PMFBP1: variants seen among roughly 807,000 people sequenced by gnomAD.
PMFBP1 encodes the protein polyamine modulated factor 1 binding protein 1, also known as polyamine-modulated factor 1-binding protein 1.
PMFBP1 carries 131 observed loss-of-function variants against 137.8 expected under a neutral mutation model. The ratio of observed to expected loss-of-function variants is 0.95; its 90% confidence interval spans 0.82 to 1.10. The LOEUF (loss-of-function observed/expected upper bound fraction) is 1.10. Ranked by LOEUF, PMFBP1 falls within the 50% of genes least tolerant of loss-of-function variation. The pLI, the probability that PMFBP1 is intolerant of heterozygous loss-of-function variation, is 0.00. For synonymous variants in PMFBP1, 490 were observed against 450.4 expected (o/e 1.09, Z -1.11); for missense variants, 1,199 against 1,175.4 (o/e 1.02, Z -0.29).
the PMFBP1 span, among the ~76,000 whole-genome samples, chr16:72,226,890 A>G: frequency 6.6e-6 from 1 of 152,206 alleles, no homozygotes; most frequent in African/African-American, 2.4e-5. Context: ...AAAAGGTTTT[A>G]GCGAAGATGA....
chr16:72,161,104 T>TG (rs2043055547), intron 3 of PMFBP1, among the ~76,000 whole-genome samples: 1 of 149,634 alleles, frequency 6.7e-6, no homozygotes, highest in African/African-American at 2.5e-5. Context: ...CTTTTTTTTT[T>TG]TTTTTTTTTT....
At chr16:72,168,341 G>A (rs2043175236) in intron 2 of PMFBP1, among the ~76,000 whole-genome samples, 1 of 152,172 alleles carries the variant, frequency 6.6e-6, no homozygotes, top group South Asian at 2.1e-4. Flanking sequence ...AGAAAAGGCT[G>A]TGTTCACCTC....
the PMFBP1 span, among the ~76,000 whole-genome samples, chr16:72,207,799 C>T: frequency 2.0e-5 from 3 of 151,744 alleles, no homozygotes; most frequent in African/African-American, 7.3e-5. Context: ...AAGAAATTGG[C>T]TCACATGAAT....
chr16:72,209,937 C>A, the PMFBP1 span, among the ~76,000 whole-genome samples: 6 of 152,218 alleles, frequency 3.9e-5, no homozygotes, highest in Non-Finnish European at 7.3e-5. Flanking sequence ...ACAGCCACTG[C>A]TGGGCCGTTC....
chr16:72,222,007 C>T, the PMFBP1 span, among the ~76,000 whole-genome samples: 8 of 152,286 alleles, frequency 5.3e-5, no homozygotes, highest in South Asian at 2.1e-4. Flanking sequence ...ATTTAATTTT[C>T]GTAACTCCAA....
chr16:72,119,581 T>C (rs1225654779), intron 20 of PMFBP1: 3 of 1,445,434 alleles, frequency 2.1e-6, no homozygotes, highest in South Asian at 3.0e-5. Flanking sequence ...ATGCCTCTTC[T>C]ACCTGTTCCC....
chr16:72,215,920 C>A, the PMFBP1 span, among the ~76,000 whole-genome samples: 2 of 152,202 alleles, frequency 1.3e-5, no homozygotes, highest in African/African-American at 2.4e-5. Flanking sequence ...ACTACCTTTA[C>A]CCCCTTTGGG....
chr16:72,179,695 T>A (rs568409436), upstream of PMFBP1, among the ~76,000 whole-genome samples: 1 of 152,292 alleles, frequency 6.6e-6, no homozygotes, highest in South Asian at 2.1e-4. Flanking sequence ...GGAAAAACTG[T>A]GTGTACACTG....
rs991114653 is a variant in PMFBP1, at chr16:72,164,543, T to C, written c.165+221A>G. On this transcript the variant is annotated intron_variant, in intron 3 of 20. Transcript: ENST00000237353. ...GAAAACATCGTGCCTAGGATGTACA[T>C]GACCTTGGAGATAGATGGAAAAGTC... 3.0e-6 allele frequency: 4 copies of C among 1,338,938 alleles called. No individual in the cohort carries two copies. In the African/African-American group the frequency reaches 4.4e-5, roughly 15 times the overall value. The allele number at this position is 1,338,938 out of a possible 1,614,324, so 82.9% of individuals were successfully genotyped here.
rs1445807258 is a variant in PMFBP1 at position 72,119,366 on chromosome 16, G to C, written c.3008-12C>G. ...GCAGTATGAGGAACCTGAGGGAACA[G>C]GGAGGAAATGAGAGTTTTGATTCGA... is the stretch of plus-strand genomic sequence containing the variant. On this transcript the variant is annotated splice_polypyrimidine_tract_variant and intron_variant, in intron 20 of 20. Coordinates refer to ENST00000237353, the MANE Select transcript of PMFBP1 (RefSeq NM_031293.3). 1 of 1,614,140 alleles carries C rather than the reference G, an allele frequency of 6.2e-7. No individual in the cohort carries two copies. Among genetic ancestry groups the C allele is most frequent in the South Asian group, 1.1e-5 (1 of 91,074 alleles).
At chr16:72,128,945 C>A in intron 13 of PMFBP1, 121 bp downstream of exon 13, 1 of 1,511,034 alleles carries the variant, frequency 6.6e-7, no homozygotes, top group Non-Finnish European at 8.9e-7. Flanking sequence ...GCCTTTCCCA[C>A]TGTCCCTCCC....
the PMFBP1 span, among the ~76,000 whole-genome samples, chr16:72,226,147 G>T: frequency 0.53 from 79,915 of 151,924 alleles, 22,296 homozygotes; most frequent in East Asian, 0.75. Context: ...ATATTTGTAC[G>T]CTTTGTTATC....
At chr16:72,237,490 A>G in the PMFBP1 span, among the ~76,000 whole-genome samples, 1 of 152,086 alleles carries the variant, frequency 6.6e-6, no homozygotes, top group Admixed American at 6.6e-5. Context: ...TGAAATCTTA[A>G]CAAGATGAAG....
At chr16:72,194,594 C>A in the PMFBP1 span, among the ~76,000 whole-genome samples, 1 of 152,154 alleles carries the variant, frequency 6.6e-6, no homozygotes, top group East Asian at 1.9e-4. Flanking sequence ...TTTTTAAATA[C>A]AGAGATCAGG....
the PMFBP1 span, among the ~76,000 whole-genome samples, chr16:72,196,328 C>T: frequency 5.9e-5 from 9 of 152,160 alleles, no homozygotes; most frequent in Admixed American, 1.3e-4. Context: ...GTACAGGGTA[C>T]GGGGGCTTCT....
At chr16:72,131,815 A>G (rs1350222903) in intron 10 of PMFBP1, among the ~76,000 whole-genome samples, 3 of 152,200 alleles carry the variant, frequency 2.0e-5, no homozygotes, top group Non-Finnish European at 4.4e-5. Context: ...TTATAAATTG[A>G]TAAGTAATTC....
At chr16:72,215,053 C>T in the PMFBP1 span, among the ~76,000 whole-genome samples, 4 of 151,574 alleles carry the variant, frequency 2.6e-5, no homozygotes, top group Non-Finnish European at 5.9e-5. Context: ...GGAAGAGAGA[C>T]CAAAGGAAAT....
the PMFBP1 span, among the ~76,000 whole-genome samples, chr16:72,240,702 T>C: frequency 1.3e-5 from 2 of 152,246 alleles, no homozygotes; most frequent in Non-Finnish European, 2.9e-5. Flanking sequence ...CAGCCTGGCA[T>C]CTGCTGTTCT....
the PMFBP1 span, among the ~76,000 whole-genome samples, chr16:72,231,457 C>T: frequency 6.6e-6 from 1 of 152,076 alleles, no homozygotes; most frequent in Non-Finnish European, 1.5e-5. Flanking sequence ...CTAAGTTTCC[C>T]ATGTTTAGAG....
Sources: gnomAD v4.1 joint callset for allele counts (sites outside exome capture counted in the v4.1 genomes callset) on GRCh38, gnomAD v4.1.1 for gene constraint, MANE v1.5 for transcripts, NCBI Gene and HGNC (gene_info 2026-07-23, HGNC 2026-07-21) for gene names.